TMEFF1: variants seen among roughly 807,000 people sequenced by gnomAD.
The protein encoded by TMEFF1 is transmembrane protein with EGF like and two follistatin like domains 1.
A neutral mutation model predicts 47.5 loss-of-function variants in TMEFF1; 20 were observed. That is an observed-to-expected ratio of 0.42 (90% CI 0.30 to 0.61). TMEFF1 has a LOEUF of 0.61. TMEFF1 is among the 20% of genes least tolerant of loss of function. TMEFF1 has a pLI of 0.19. For synonymous variants in TMEFF1, 162 were observed against 166.3 expected (o/e 0.97, Z 0.20); for missense variants, 411 against 471.1 (o/e 0.87, Z 1.18).
chr9:100,549,910 T>C (rs191726001), intron 6 of TMEFF1, among the ~76,000 whole-genome samples, 185 bp from the exon 7 acceptor site: 259 of 152,266 alleles, frequency 1.7e-3, no homozygotes, highest in African/African-American at 5.9e-3. Flanking sequence ...AGAGCACTTA[T>C]ACCTAGGATG....
At chr9:100,510,304 A>G (rs1040205315) in intron 3 of TMEFF1, among the ~76,000 whole-genome samples, 3 of 152,178 alleles carry the variant, frequency 2.0e-5, no homozygotes, top group South Asian at 4.1e-4. Context: ...GTTAAAATCA[A>G]CCAAAGAAAG....
chr9:100,530,187 GA>G (rs1838349532), intron 5 of TMEFF1, among the ~76,000 whole-genome samples: 1 of 151,640 alleles, frequency 6.6e-6, no homozygotes, highest in Non-Finnish European at 1.5e-5. Flanking sequence ...AAAAGAACTA[GA>G]AAAGCAAGAG....
chr9:100,519,485 A>G lies in TMEFF1; in HGVS notation c.560+2714A>G, dbSNP rs77503737. Among the ~76,000 whole-genome samples, 1,011 of 152,088 alleles carry G rather than the reference A, an allele frequency of 6.6e-3. 7 individuals are homozygous for G. The highest frequency in any genetic ancestry group is 0.024 in the African/African-American group (984 of 41,516). ...ATCCTCTCACTTCAAAGATGAAATC[A>G]TTGACGACTAAAGTCAGAGGGTTTG... On this transcript the variant is annotated intron_variant, in intron 5 of 9. Coordinates refer to ENST00000374879, the MANE Select transcript of TMEFF1 (RefSeq NM_003692.5).
At chr9:100,514,668 T>C (rs1319910510) in intron 4 of TMEFF1, among the ~76,000 whole-genome samples, 1 of 138,228 alleles carries the variant, frequency 7.2e-6, no homozygotes, top group African/African-American at 2.8e-5. Context: ...CTGGGCAACA[T>C]AGTGAGACCC....
intron 1 of TMEFF1, among the ~76,000 whole-genome samples, chr9:100,497,483 T>C (rs981252570): frequency 6.6e-6 from 1 of 152,126 alleles, no homozygotes. Context: ...TGTGCAGTAC[T>C]TAGTTGACAG....
intron 3 of TMEFF1, among the ~76,000 whole-genome samples, chr9:100,509,512 G>A (rs538572942): frequency 2.0e-5 from 3 of 152,068 alleles, no homozygotes; most frequent in Non-Finnish European, 4.4e-5. Flanking sequence ...GGTGGCTCAC[G>A]CCTGTAATCC....
chr9:100,491,285 C>A (rs1266198256), intron 1 of TMEFF1, among the ~76,000 whole-genome samples: 1 of 152,116 alleles, frequency 6.6e-6, no homozygotes, highest in African/African-American at 2.4e-5. Context: ...GTGAAACCAT[C>A]CAGCAGGGTC....
At chr9:100,505,435 A>C (rs1437182496) in intron 2 of TMEFF1, among the ~76,000 whole-genome samples, 87 of 150,846 alleles carry the variant, frequency 5.8e-4, no homozygotes, top group African/African-American at 1.6e-3. Context: ...AAAAAAAAAA[A>C]AAAAAACAAC....
intron 5 of TMEFF1, among the ~76,000 whole-genome samples, chr9:100,530,232 A>G (rs1838350279): frequency 1.3e-5 from 2 of 152,152 alleles, no homozygotes; most frequent in East Asian, 3.8e-4. Context: ...AAGGCAAGAA[A>G]TAACTAAAAT....
At chr9:100,541,146 A>G (rs1319616280) in intron 5 of TMEFF1, among the ~76,000 whole-genome samples, 1 of 152,166 alleles carries the variant, frequency 6.6e-6, no homozygotes, top group African/African-American at 2.4e-5. Flanking sequence ...ACAGAAAAGG[A>G]GAAAAATGAT....
At chr9:100,475,547 G>T (rs1218912535) in intron 1 of TMEFF1, among the ~76,000 whole-genome samples, 5 of 152,042 alleles carry the variant, frequency 3.3e-5, no homozygotes, top group African/African-American at 4.8e-5. Context: ...AATGTGTCGC[G>T]GGTATTTGTT....
intron 5 of TMEFF1, among the ~76,000 whole-genome samples, chr9:100,540,606 G>A (rs539123299): frequency 6.6e-6 from 1 of 152,302 alleles, no homozygotes; most frequent in African/African-American, 2.4e-5. Context: ...GGCTCCTCAA[G>A]CAGGGCCAGA....
At chr9:100,548,600 C>T (rs141741139) in intron 6 of TMEFF1, among the ~76,000 whole-genome samples, 164 of 152,304 alleles carry the variant, frequency 1.1e-3, no homozygotes, top group East Asian at 0.011. Flanking sequence ...GGCACACTCT[C>T]ATGGACTAGG....
chr9:100,522,962 T>G (rs1838192651), intron 5 of TMEFF1, among the ~76,000 whole-genome samples: 1 of 152,040 alleles, frequency 6.6e-6, no homozygotes, highest in African/African-American at 2.4e-5. Flanking sequence ...ATGGTCTTGA[T>G]CTCCTGACTT....
At position 100,576,534 on chromosome 9, in the gene TMEFF1, TAG is replaced by T; in HGVS notation, c.1080_1081del (p.Gly361ThrfsTer22). The T allele has an allele frequency of 6.2e-7, 1 of 1,612,882 alleles. No homozygotes were observed. Among genetic ancestry groups the T allele is most frequent in the Non-Finnish European group, 8.5e-7 (1 of 1,179,542 alleles). ...CITRKCPKNN[R>X]GRRQKQNLGH... ...GCAACAGAAAATGCCCCAAAAACAA[TAG>T]AGGACGTCGACAGAAGCAAAACCTA... On this transcript the variant is annotated frameshift_variant, in exon 10 of 10. Transcript: ENST00000374879. LOFTEE classifies it high-confidence loss of function.
chr9:100,514,156 A>G (rs1838020982), intron 4 of TMEFF1, among the ~76,000 whole-genome samples: 1 of 152,048 alleles, frequency 6.6e-6, no homozygotes, highest in African/African-American at 2.4e-5. Flanking sequence ...ATGCAAATGG[A>G]AACTACAGTT....
At chr9:100,512,582 C>A (rs1382027868) in intron 3 of TMEFF1, among the ~76,000 whole-genome samples, 2 of 152,106 alleles carry the variant, frequency 1.3e-5, no homozygotes, top group Non-Finnish European at 2.9e-5. Flanking sequence ...TACATCATTA[C>A]CCTCTTTTCA....
At chr9:100,493,492 G>T (rs1399968071) in intron 1 of TMEFF1, among the ~76,000 whole-genome samples, 2 of 152,184 alleles carry the variant, frequency 1.3e-5, no homozygotes, top group African/African-American at 4.8e-5. Context: ...AGAAAGCAGA[G>T]TTTCTCCCAC....
chr9:100,529,552 T>A (rs1255927652), intron 5 of TMEFF1, among the ~76,000 whole-genome samples: 4 of 151,386 alleles, frequency 2.6e-5, no homozygotes, highest in Non-Finnish European at 4.4e-5. Context: ...CTATCCTAAA[T>A]ATATATGCAC....
Sources: gnomAD v4.1 joint callset for allele counts (sites outside exome capture counted in the v4.1 genomes callset) on GRCh38, gnomAD v4.1.1 for gene constraint, MANE v1.5 for transcripts, NCBI Gene and HGNC (gene_info 2026-07-23, HGNC 2026-07-21) for gene names.